Variants in MICU2 observed in about 807,000 individuals in gnomAD.
The protein encoded by MICU2 is calcium uptake protein 2, mitochondrial.
A neutral mutation model predicts 60.4 loss-of-function variants in MICU2; 64 were observed. That is an observed-to-expected ratio of 1.06 (90% CI 0.87 to 1.31). The LOEUF (loss-of-function observed/expected upper bound fraction) is 1.31, where lower values mean the gene tolerates loss of function less well. Ranked by LOEUF, MICU2 falls within the 50% of genes most tolerant of loss-of-function variation. The probability of loss-of-function intolerance (pLI) is 0.00; values close to 1 mark genes in which losing one functional copy is unlikely to be tolerated. For synonymous variants in MICU2, 201 were observed against 175.0 expected, an observed-to-expected ratio of 1.15 and a Z score of -1.17; for missense variants, 569 against 531.0, an observed-to-expected ratio of 1.07 and a Z score of -0.70.
intron 6 of MICU2, among the ~76,000 whole-genome samples, chr13:21,516,471 T>C (rs1886572843): frequency 6.6e-6 from 1 of 152,220 alleles, no homozygotes; most frequent in African/African-American, 2.4e-5. Context: ...CACCTGTTGA[T>C]AGGTGTTTTC....
intron 9 of MICU2, among the ~76,000 whole-genome samples, chr13:21,501,413 C>A (rs1028507498): frequency 2.0e-5 from 3 of 152,078 alleles, no homozygotes; most frequent in African/African-American, 7.2e-5. Flanking sequence ...CAGGCACCTG[C>A]CACCATGCCT....
At chr13:21,584,036 C>G (rs1052812001) in intron 1 of MICU2, among the ~76,000 whole-genome samples, 1 of 152,152 alleles carries the variant, frequency 6.6e-6, no homozygotes, top group Non-Finnish European at 1.5e-5. Context: ...ATATCTGGAA[C>G]AGTTTGTAGA....
chr13:21,550,840 T>A (rs192736624), intron 2 of MICU2, among the ~76,000 whole-genome samples: 6 of 152,334 alleles, frequency 3.9e-5, no homozygotes, highest in South Asian at 2.1e-4. Flanking sequence ...TGAGGAAACC[T>A]AGACTAATAG....
Position 21,604,168 on chromosome 13 carries a change from G to C in MICU2, c.-20C>G, listed in dbSNP as rs2248433. ...CGCCATCTTTGCGGAAGCGCAGCTA[G>C]GCGGCGCTTCTCTCCCGGCGCCGCC... On this transcript the variant is annotated 5_prime_UTR_variant, in exon 1 of 12. Coordinates refer to ENST00000382374, the MANE Select transcript of MICU2 (RefSeq NM_152726.3). 271,250 of 1,536,240 alleles carry C rather than the reference G, an allele frequency of 0.18. 33,026 individuals carry two copies. The highest frequency in any genetic ancestry group is 0.65 in the East Asian group (26,017 of 39,898).
chr13:21,510,836 T>C (rs1886411666), intron 7 of MICU2, among the ~76,000 whole-genome samples: 1 of 146,890 alleles, frequency 6.8e-6, no homozygotes, highest in Admixed American at 6.6e-5. Flanking sequence ...AATTCATTCA[T>C]TAATTCATTT....
intron 2 of MICU2, among the ~76,000 whole-genome samples, chr13:21,561,210 C>T (rs1340750829): frequency 1.3e-5 from 2 of 151,978 alleles, no homozygotes; most frequent in African/African-American, 4.8e-5. Context: ...GTTTTATGAT[C>T]CCAAATTTGG....
intron 1 of MICU2, 47 bp from the exon 2 acceptor site, chr13:21,566,991 C>T (rs377461488): frequency 2.9e-5 from 44 of 1,505,904 alleles, no homozygotes; most frequent in Non-Finnish European, 3.7e-5. Flanking sequence ...AGTGTTATTC[C>T]CAGTCACTTC....
chr13:21,558,885 A>G (rs1887770408), intron 2 of MICU2, among the ~76,000 whole-genome samples: 1 of 152,140 alleles, frequency 6.6e-6, no homozygotes, highest in Non-Finnish European at 1.5e-5. Context: ...AAAAACAAGT[A>G]GCTGGGGGCA....
chr13:21,592,021 G>T (rs755012019), intron 1 of MICU2, among the ~76,000 whole-genome samples: 1 of 148,970 alleles, frequency 6.7e-6, no homozygotes, highest in Non-Finnish European at 1.5e-5. Flanking sequence ...TCAGAGAAGC[G>T]TTGAAGGAGA....
In MICU2 at chr13:21,539,607, T is replaced by C. The variant is rs750655143; in HGVS notation, c.390+50A>G. The C allele has an allele frequency of 2.5e-6, 4 of 1,613,112 alleles. No individual in the cohort carries two copies. The South Asian group carries it at 4.4e-5, about 18-fold the overall frequency. On this transcript the variant is annotated intron_variant, in intron 3 of 11. Transcript: ENST00000382374. ...GCCACCGTGCCCGGCCAAAAGTTCA[T>C]TTTCTATCTTACCAAAAACAAACCC...
chr13:21,598,811 TA>T (rs766660516), intron 1 of MICU2, among the ~76,000 whole-genome samples: 1 of 152,226 alleles, frequency 6.6e-6, no homozygotes, highest in Admixed American at 6.5e-5. Context: ...AGGTTTGTTT[TA>T]ATCAGTTTGG....
rs776483918 is a variant in MICU2 at position 21,496,175 on chromosome 13, GT to G, written c.934-16del. 4.5e-6 allele frequency: 7 copies of G among 1,564,350 alleles called. No individual in the cohort carries two copies. In the Admixed American group the frequency reaches 1.1e-4, roughly 23 times the overall value. ...AAACTAATGCTCTAATAAAGTAAGAGTTTTTATTACAATTTTGTAAGTACAT... is the reference window on the plus strand; with the variant it reads ...AAACTAATGCTCTAATAAAGTAAGAGTTTTATTACAATTTTGTAAGTACAT... On this transcript the variant is annotated splice_polypyrimidine_tract_variant and intron_variant, in intron 9 of 11. Transcript: ENST00000382374.
At chr13:21,603,507 C>G (rs1453276251) in intron 1 of MICU2, 2 of 181,036 alleles carry the variant, frequency 1.1e-5, no homozygotes, top group African/African-American at 4.7e-5. Context: ...CAAAGCTTAA[C>G]AAAGGTATAT....
intron 6 of MICU2, 140 bp from the exon 7 acceptor site, chr13:21,514,558 G>C: frequency 3.3e-6 from 2 of 598,888 alleles, no homozygotes; most frequent in East Asian, 6.0e-5. Context: ...TTTTGAGATG[G>C]AGTCTTACTC....
rs777072979 is a variant in MICU2, at chr13:21,493,346, T to C, written c.1208A>G (p.Gln403Arg). The C allele has an allele frequency of 4.5e-5, 72 of 1,600,814 alleles. No individual in the cohort carries two copies. Among genetic ancestry groups the C allele is most frequent in the Non-Finnish European group, 5.4e-5 (64 of 1,175,340 alleles). ...NRMHRGLWVP[Q>R]HQSIQEYWKC... ...CCAGTATTCTTGTATACTCTGATGT[T>C]GTGGTACCTGTTAACCGAAAGTAAA... is the stretch of plus-strand genomic sequence containing the variant. The change falls in exon 12 of 12, where the codon CAA becomes CGA. Residue 403 changes from glutamine (Q) to arginine (R), a missense_variant. Transcript: ENST00000382374.
At chr13:21,582,921 T>A in intron 1 of MICU2, 1 of 175,396 alleles carries the variant, frequency 5.7e-6, no homozygotes, top group Non-Finnish European at 1.2e-5. Context: ...GTACATTGCC[T>A]TGCTGAGAAT....
chr13:21,530,456 T>C (rs1322821077), intron 4 of MICU2, among the ~76,000 whole-genome samples: 1 of 60,764 alleles, frequency 1.6e-5, no homozygotes, highest in African/African-American at 6.4e-5. Flanking sequence ...ATACTGGGTC[T>C]TAATTCTCCT....
Position 21,539,355 on chromosome 13 carries a change from C to T in MICU2, c.413G>A (p.Gly138Glu), listed in dbSNP as rs1887218623. The stretch of plus-strand genomic sequence containing the variant: ...TGATCCACAGCCAGCTGTTTGGATC[C>T]CTGACAGTGTATCCTCGATGTCCTT... ...TKKDIEDTLS[G>E]IQTAGCGSTF... is the part of the protein sequence containing the mutation. Residue 138 changes from glycine (G) to glutamate (E), a missense_variant, in exon 4 of 12, where the codon GGG (glycine) becomes GAG (glutamate). By Grantham distance (98) the Gly-to-Glu change is moderately conservative. Transcript: ENST00000382374. 1 of 1,613,946 alleles carries T rather than the reference C, an allele frequency of 6.2e-7. No homozygotes were observed. The highest frequency in any genetic ancestry group is 1.1e-5 in the South Asian group (1 of 91,020).
chr13:21,497,217 T>C (rs1257477237), intron 9 of MICU2, among the ~76,000 whole-genome samples: 2 of 149,914 alleles, frequency 1.3e-5, no homozygotes, highest in Non-Finnish European at 3.0e-5. Context: ...AAAAAAAAAT[T>C]AGCTGGGTGT....
Sources: allele counts gnomAD v4.1 joint callset (sites outside exome capture counted in the v4.1 genomes callset), GRCh38; gene constraint gnomAD v4.1.1; transcripts MANE v1.5; gene names NCBI Gene and HGNC (gene_info 2026-07-23, HGNC 2026-07-21).